The following MFGE8 variants were observed in gnomAD, a reference collection of about 807,000 sequenced individuals.
MFGE8 encodes lactadherin.
In MFGE8, 34 loss-of-function variants were observed where a neutral mutation model predicts 42.6. That is an observed-to-expected ratio of 0.80 (90% CI 0.61 to 1.06). The LOEUF is 1.06. Among genes scored for constraint, MFGE8 ranks in the 50% least tolerant of loss-of-function variants. The pLI is 0.00. For missense variants in MFGE8, 510 were observed against 516.9 expected (o/e 0.99, Z 0.13); for synonymous variants, 230 against 214.8 (o/e 1.07, Z -0.62).
intron 6 of MFGE8, among the ~76,000 whole-genome samples, chr15:88,900,989 TCACACA>T (rs59880395): frequency 1.3e-5 from 1 of 78,478 alleles, no homozygotes; most frequent in African/African-American, 3.9e-5. Flanking sequence ...ACACACACAT[TCACACA>T]CACACATTCA....
At position 88,905,883 on chromosome 15, in the gene MFGE8, T is replaced by C; in HGVS notation, c.559A>G (p.Asn187Asp). The C allele has an allele frequency of 6.2e-7, 1 of 1,614,172 alleles. No individual in the cohort carries two copies. The highest frequency in any genetic ancestry group is 1.1e-5 in the South Asian group (1 of 91,080). ...KKHKEFVGNWNKNAVHVNLFE... is the reference protein window; with the variant it reads ...KKHKEFVGNWDKNAVHVNLFE... Reference sequence around the variant, plus strand: ...AGGTTGACATGCACCGCGTTTTTGTTCCAGTTACCCACAAACTCCTAGCAG... The same window carrying C: ...AGGTTGACATGCACCGCGTTTTTGTCCCAGTTACCCACAAACTCCTAGCAG... Residue 187 changes from asparagine to aspartate, a missense_variant, in exon 5 of 8, where the codon AAC (asparagine) becomes GAC (aspartate). By Grantham distance (23) the Asn-to-Asp change is conservative (BLOSUM62 1). Coordinates refer to ENST00000268150, the MANE Select transcript of MFGE8 (RefSeq NM_005928.4). The surrounding 1 kb of genome is among the most constrained non-coding windows in gnomAD (Gnocchi z 6.6).
At position 88,905,987 on chromosome 15, in the gene MFGE8, T is replaced by C. The variant is rs1284089850; in HGVS notation, c.541-86A>G. ...GTTACCTCATCTTCCTCTTCAGACCTGGGAGGCAGAGGTGGGGCTGGGAGG... is the reference window on the plus strand; with the variant it reads ...GTTACCTCATCTTCCTCTTCAGACCCGGGAGGCAGAGGTGGGGCTGGGAGG... On this transcript the variant is annotated intron_variant, in intron 4 of 7. Transcript: ENST00000268150. The surrounding 1 kb of genome is among the most constrained non-coding windows in gnomAD (Gnocchi z 6.6). 6 of 1,518,350 alleles carry C rather than the reference T, an allele frequency of 4.0e-6. No individual in the cohort carries two copies. In the African/African-American group the frequency reaches 6.9e-5, roughly 17 times the overall value. The allele number at this position is 1,518,350 out of a possible 1,614,324, so 94.1% of individuals were successfully genotyped here. A position where few individuals can be genotyped will look rare whatever the true frequency, so the allele number is the denominator to read the frequency against.
chr15:88,901,517 AC>A, intron 6 of MFGE8, 33 bp downstream of exon 6: 19 of 1,072,596 alleles, frequency 1.8e-5, no homozygotes, highest in Non-Finnish European at 2.4e-5. Flanking sequence ...ATCCCACCCA[AC>A]CCCAGCCCCA....
intron 1 of MFGE8, chr15:88,912,257 G>T: frequency 1.6e-6 from 2 of 1,289,718 alleles, no homozygotes; most frequent in South Asian, 1.2e-5. Context: ...GTTCAGGTTG[G>T]GGGGTACAGG....
At chr15:88,910,550 G>GA in intron 1 of MFGE8, 1 of 167,456 alleles carries the variant, frequency 6.0e-6, no homozygotes, top group Non-Finnish European at 1.3e-5. Flanking sequence ...AGGCCAGCAA[G>GA]TCCACAGATG....
intron 1 of MFGE8, 67 bp downstream of exon 1, chr15:88,913,180 G>A: frequency 6.8e-7 from 1 of 1,472,536 alleles, no homozygotes; most frequent in Non-Finnish European, 8.9e-7. Flanking sequence ...GAGGGCGGGC[G>A]CCGGGCAAAC....
chr15:88,906,777 A>C lies in MFGE8; in HGVS notation c.389T>G (p.Val130Gly), dbSNP rs761765188. ...SSNDDNPWIQ[V>G]NLLRRMWVTG... ...TACCCACATCCTCCGCAGCAGGTTC[A>C]CCTGGACACAGGGCAGGGGAGATGG... The change falls in exon 4 of 8, where the codon GTG (valine) becomes GGG (glycine). Residue 130 changes from valine to glycine, a missense_variant and splice_region_variant. Physicochemically the swap from Val to Gly is moderately radical, Grantham distance 109. Transcript: ENST00000268150. This position sits in a 1 kb window ranked among gnomAD's most constrained non-coding sequence, Gnocchi z 4.2. The C allele has an allele frequency of 6.2e-7, 1 of 1,612,694 alleles. No individual in the cohort carries two copies. The highest frequency in any genetic ancestry group is 1.7e-5 in the Admixed American group (1 of 60,018).
rs1898242745 is a variant in MFGE8, at chr15:88,899,194, G to A, written c.*201C>T. The A allele has an allele frequency of 5.9e-6, 4 of 681,182 alleles. No individual in the cohort carries two copies. In the South Asian group the frequency reaches 7.2e-5, roughly 12 times the overall value. The allele number at this position is 681,182 out of a possible 1,614,324, so 42.2% of individuals were successfully genotyped here. A position where few individuals can be genotyped will look rare whatever the true frequency, so the allele number is the denominator to read the frequency against. ...GGACAGTGAGGACTGGGGGTTAGGGGACGGGGCTTAGGGGCTGGGGCAGGG... is the reference window on the plus strand; with the variant it reads ...GGACAGTGAGGACTGGGGGTTAGGGAACGGGGCTTAGGGGCTGGGGCAGGG... On this transcript the variant is annotated 3_prime_UTR_variant, in exon 8 of 8. Coordinates refer to ENST00000268150, the MANE Select transcript of MFGE8 (RefSeq NM_005928.4). This position sits in a 1 kb window ranked among gnomAD's most constrained non-coding sequence, Gnocchi z 6.8.
At chr15:88,911,493 T>C (rs1898953594) in intron 1 of MFGE8, among the ~76,000 whole-genome samples, 1 of 151,808 alleles carries the variant, frequency 6.6e-6, no homozygotes, top group African/African-American at 2.4e-5. Flanking sequence ...GAGGCCGAGG[T>C]GGGAGGATCA....
chr15:88,911,791 G>A (rs1190554463), intron 1 of MFGE8, among the ~76,000 whole-genome samples: 1 of 151,576 alleles, frequency 6.6e-6, no homozygotes. Flanking sequence ...ATCTAAGGCT[G>A]GAGAGTCCTC....
In MFGE8 at chr15:88,905,483, G is replaced by A. The variant is rs2141707480; in HGVS notation, c.685+274C>T. The stretch of plus-strand genomic sequence containing the variant: ...ACATGTTCTAGAAGCTACAGGAGAG[G>A]AGCCAACCAGAAGAAGGGAAAATAC... On this transcript the variant is annotated intron_variant, in intron 5 of 7. Coordinates refer to ENST00000268150, the MANE Select transcript of MFGE8 (RefSeq NM_005928.4). This position sits in a 1 kb window ranked among gnomAD's most constrained non-coding sequence, Gnocchi z 6.6. 1 of 616,360 alleles carries A rather than the reference G, an allele frequency of 1.6e-6. No individual in the cohort carries two copies. Among genetic ancestry groups the A allele is most frequent in the Non-Finnish European group, 3.0e-6 (1 of 330,372 alleles). 38.2% of individuals were successfully genotyped at this position (616,360 alleles called of 1,614,324 possible). A position where few individuals can be genotyped will look rare whatever the true frequency, so the allele number is the denominator to read the frequency against.
At position 88,906,534 on chromosome 15, in the gene MFGE8, G is replaced by A; in HGVS notation, c.540+92C>T. 1.4e-6 allele frequency: 2 copies of A among 1,464,644 alleles called. No homozygotes were observed. Among genetic ancestry groups the A allele is most frequent in the Non-Finnish European group, 1.9e-6 (2 of 1,045,402 alleles). 90.7% of individuals were successfully genotyped at this position (1,464,644 alleles called of 1,614,324 possible). A position where few individuals can be genotyped will look rare whatever the true frequency, so the allele number is the denominator to read the frequency against. On this transcript the variant is annotated intron_variant, in intron 4 of 7. Coordinates refer to ENST00000268150, the MANE Select transcript of MFGE8 (RefSeq NM_005928.4). This position sits in a 1 kb window ranked among gnomAD's most constrained non-coding sequence, Gnocchi z 4.2. ...ACCCACATCATAGCCAATCACCTAG[G>A]GTTCTCTGGACTCGCTGGGGGTCCT...
At chr15:88,901,462 G>A in intron 6 of MFGE8, 89 bp downstream of exon 6, 1 of 1,343,002 alleles carries the variant, frequency 7.4e-7, no homozygotes. Context: ...GAGCAGAAGA[G>A]AAGCCTGGGC....
rs1898878801 is a variant in MFGE8, at chr15:88,909,905, G to A, written c.92C>T (p.Pro31Leu). 1 of 1,614,174 alleles carries A rather than the reference G, an allele frequency of 6.2e-7. No individual in the cohort carries two copies. The highest frequency in any genetic ancestry group is 1.1e-5 in the South Asian group (1 of 91,080). Reference sequence around the variant, plus strand: ...CTCGCATAAACCACCGTTGTGGCAGGGGTTTTTGGAACAGATATCTGGGGA... The same window carrying A: ...CTCGCATAAACCACCGTTGTGGCAGAGGTTTTTGGAACAGATATCTGGGGA... The part of the protein sequence containing the change: ...LVALDICSKN[P>L]CHNGGLCEEI... Residue 31 changes from proline to leucine, a missense_variant, in exon 2 of 8, where the codon CCC becomes CTC. Coordinates refer to ENST00000268150, the MANE Select transcript of MFGE8 (RefSeq NM_005928.4).
At chr15:88,910,557 G>A (rs3784752) in intron 1 of MFGE8, 32,832 of 165,884 alleles carry the variant, frequency 0.2, 3,767 homozygotes, top group South Asian at 0.28. Context: ...CAAGTCCACA[G>A]ATGAGGAAGA....
chr15:88,913,071 G>T (rs967333594), intron 1 of MFGE8, 176 bp downstream of exon 1: 2 of 985,294 alleles, frequency 2.0e-6, no homozygotes, highest in African/African-American at 3.5e-5. Context: ...AGACAGCAGG[G>T]CCGCATCCCC....
At chr15:88,904,586 G>C (rs1898579351) in intron 5 of MFGE8, 1 of 152,284 alleles carries the variant, frequency 6.6e-6, no homozygotes, top group Non-Finnish European at 1.5e-5. Context: ...TCCAGGGAGA[G>C]GCACACAGAC....
In MFGE8 at chr15:88,899,630, G is replaced by A. The variant is rs545429152; in HGVS notation, c.1026+26C>T. The A allele has an allele frequency of 1.2e-6, 2 of 1,614,154 alleles. No homozygotes were observed. The highest frequency in any genetic ancestry group is 2.7e-5 in the African/African-American group (2 of 75,044). Reference sequence around the variant, plus strand: ...AGGGAAGTAATGAAGGAATGGCAAAGGGTGGGCAGCTGGACAGACACCCAC... The same window carrying A: ...AGGGAAGTAATGAAGGAATGGCAAAAGGTGGGCAGCTGGACAGACACCCAC... On this transcript the variant is annotated intron_variant, in intron 7 of 7. Transcript: ENST00000268150. This position sits in a 1 kb window ranked among gnomAD's most constrained non-coding sequence, Gnocchi z 6.8.
At position 88,902,978 on chromosome 15, in the gene MFGE8, G is replaced by C. The variant is rs1410020154; in HGVS notation, c.686-1243C>G. On this transcript the variant is annotated intron_variant, in intron 5 of 7. Transcript: ENST00000268150. This position sits in a 1 kb window ranked among gnomAD's most constrained non-coding sequence, Gnocchi z 4.3. The stretch of plus-strand genomic sequence containing the variant: ...TCACCACTCAAGACATTTGCCTCCA[G>C]GGTGTGTTGACAATGCCTGCTGATG... 6.6e-6 allele frequency: 1 copy of C among 152,222 alleles called. No individual in the cohort carries two copies. The highest frequency in any genetic ancestry group is 1.5e-5 in the Non-Finnish European group (1 of 68,062). The allele number at this position is 152,222 out of a possible 1,614,324, so 9.4% of individuals were successfully genotyped here.
Sources: gnomAD v4.1 joint callset for allele counts (sites outside exome capture counted in the v4.1 genomes callset) on GRCh38, gnomAD v4.1.1 for gene constraint, Gnocchi (gnomAD v3.1) non-coding constraint, MANE v1.5 for transcripts, NCBI Gene and HGNC (gene_info 2026-07-23, HGNC 2026-07-21) for gene names.